The following OR4D1 variants were observed in gnomAD, a reference collection of about 807,000 sequenced individuals.
OR4D1 encodes olfactory receptor 4D1.
A neutral mutation model predicts 14.2 loss-of-function variants in OR4D1; 10 were observed. The observed-to-expected ratio is 0.71, with a 90% CI of 0.44 to 1.20. OR4D1 has a LOEUF of 1.20. Among genes scored for constraint, OR4D1 ranks in the 50% most tolerant of loss-of-function variants. The pLI is 0.00. For synonymous variants in OR4D1, 141 were observed against 147.4 expected (o/e 0.96, Z 0.32); for missense variants, 345 against 376.6 (o/e 0.92, Z 0.70).
rs1401440255 is a variant in OR4D1, at chr17:58,157,341, G to T, written c.*1255G>T. The T allele has an allele frequency of 1.4e-6, 2 of 1,452,722 alleles. No homozygotes were observed. The highest frequency in any genetic ancestry group is 2.5e-5 in the East Asian group (1 of 40,560). The allele number at this position is 1,452,722 out of a possible 1,614,324, so 90.0% of individuals were successfully genotyped here. On this transcript the variant is annotated 3_prime_UTR_variant, in exon 4 of 4. Coordinates refer to ENST00000268912, the MANE Select transcript of OR4D1 (RefSeq NM_001386095.1). ...GGAAAACTCCCTAAGACGGAGCGGC[G>T]TGGATGCAGGAACCCTGCTGATAAT...
At chr17:58,154,266 C>CTTTTTTT (rs3030795) in intron 3 of OR4D1, among the ~76,000 whole-genome samples, 1 of 137,412 alleles carries the variant, frequency 7.3e-6, no homozygotes. Flanking sequence ...AGCCAACCCT[C>CTTTTTTT]TTTTTTTTTT....
chr17:58,156,353 G>T lies in OR4D1; in HGVS notation c.*267G>T, dbSNP rs1967773959. The stretch of plus-strand genomic sequence containing the variant: ...GCAACCTCCACCTCCCGGGTTCAAT[G>T]ATTCTCCTGCCTCAGCCTCCCGCGC... On this transcript the variant is annotated 3_prime_UTR_variant, in exon 4 of 4. Coordinates refer to ENST00000268912, the MANE Select transcript of OR4D1 (RefSeq NM_001386095.1). 1 of 321,218 alleles carries T rather than the reference G, an allele frequency of 3.1e-6. No homozygotes were observed. The highest frequency in any genetic ancestry group is 5.6e-6 in the Non-Finnish European group (1 of 177,108). 19.9% of individuals were successfully genotyped at this position (321,218 alleles called of 1,614,324 possible).
rs781412537 is a variant in OR4D1 at position 58,155,343 on chromosome 17, C to T, written c.190C>T (p.Arg64Ter). ...RLHTPMYFLLRNLALIDLCYS... is the reference protein window; with the variant it reads ...RLHTPMYFLL ...CCACACACCCATGTATTTTCTGCTC[C>T]GAAATCTAGCTCTCATAGACCTCTG... is the stretch of plus-strand genomic sequence containing the variant. The change falls in exon 4 of 4, where the codon CGA (arginine) becomes TGA (stop). Residue 64 changes from arginine to a stop codon, truncating the protein, a stop_gained. Coordinates refer to ENST00000268912, the MANE Select transcript of OR4D1 (RefSeq NM_001386095.1). LOFTEE classifies it high-confidence loss of function. 2.4e-5 allele frequency: 39 copies of T among 1,614,034 alleles called. 2 individuals carry two copies. The East Asian group carries it at 2.5e-4, about 10-fold the overall frequency.
chr17:58,153,324 G>A (rs1967724801), intron 2 of OR4D1, among the ~76,000 whole-genome samples: 2 of 152,208 alleles, frequency 1.3e-5, no homozygotes, highest in African/African-American at 2.4e-5. Context: ...AGAGCTTGCC[G>A]GGGTTCTCAG....
Position 58,156,142 on chromosome 17 carries a change from A to G in OR4D1, c.*56A>G, listed in dbSNP as rs923216787. Reference sequence around the variant, plus strand: ...TTTCTCTGGATTTTTATTTTCCCACATGAAAAATGGAGGAAAGTCTTTATA... The same window carrying G: ...TTTCTCTGGATTTTTATTTTCCCACGTGAAAAATGGAGGAAAGTCTTTATA... On this transcript the variant is annotated 3_prime_UTR_variant, in exon 4 of 4. Transcript: ENST00000268912. The G allele has an allele frequency of 1.7e-6, 2 of 1,165,520 alleles. No homozygotes were observed. The highest frequency in any genetic ancestry group is 3.1e-5 in the African/African-American group (2 of 64,184). The allele number at this position is 1,165,520 out of a possible 1,614,324, so 72.2% of individuals were successfully genotyped here.
At chr17:58,152,290 C>T (rs1597951449) in intron 2 of OR4D1, among the ~76,000 whole-genome samples, 4 of 152,362 alleles carry the variant, frequency 2.6e-5, no homozygotes, top group African/African-American at 9.6e-5. Flanking sequence ...ACGCATGAGC[C>T]ACTGCACGCA....
chr17:58,154,143 G>C (rs866245540), intron 3 of OR4D1, among the ~76,000 whole-genome samples, 180 bp downstream of exon 3: 2 of 150,790 alleles, frequency 1.3e-5, no homozygotes, highest in Non-Finnish European at 2.9e-5. Context: ...TTTTTTTATA[G>C]AGGTAGGGGT....
rs1164234744 is a variant in OR4D1 at position 58,158,455 on chromosome 17, C to A, written c.*2369C>A. ...CCTATCTCTCCCCACGCCCACCCCC[C>A]CCCCACACACACATTTTTACAGTTT... On this transcript the variant is annotated 3_prime_UTR_variant, in exon 4 of 4. Transcript: ENST00000268912. The A allele has an allele frequency of 7.0e-6, 1 of 143,578 alleles. No individual in the cohort carries two copies. Among genetic ancestry groups the A allele is most frequent in the Admixed American group, 7.0e-5 (1 of 14,316 alleles). The allele number at this position is 143,578 out of a possible 1,614,324, so 8.9% of individuals were successfully genotyped here.
rs1597952354 is a variant in OR4D1, at chr17:58,155,515, A to G, written c.362A>G (p.Asp121Gly). Residue 121 changes from aspartate (D) to glycine (G), a missense_variant, in exon 4 of 4, where the codon GAC becomes GGC. Coordinates refer to ENST00000268912, the MANE Select transcript of OR4D1 (RefSeq NM_001386095.1). ...TVFFLSVMAY[D>G]RYIAISQPLR... ...TTTTTTCTCTCAGTCATGGCCTATG[A>G]CCGCTACATAGCCATCTCCCAGCCC... The G allele has an allele frequency of 6.2e-7, 1 of 1,613,862 alleles. No homozygotes were observed. Among genetic ancestry groups the G allele is most frequent in the African/African-American group, 1.3e-5 (1 of 74,842 alleles).
intron 3 of OR4D1, among the ~76,000 whole-genome samples, chr17:58,154,513 C>T (rs1279857282): frequency 1.3e-5 from 2 of 152,154 alleles, no homozygotes; most frequent in Non-Finnish European, 2.9e-5. Context: ...TACAGGGAAA[C>T]ATTTGAGAAA....
chr17:58,157,280 G>T lies in OR4D1; in HGVS notation c.*1194G>T. 1.3e-6 allele frequency: 2 copies of T among 1,495,970 alleles called. No homozygotes were observed. The highest frequency in any genetic ancestry group is 2.5e-5 in the East Asian group (1 of 40,640). The allele number at this position is 1,495,970 out of a possible 1,614,324, so 92.7% of individuals were successfully genotyped here. A position where few individuals can be genotyped will look rare whatever the true frequency, so the allele number is the denominator to read the frequency against. On this transcript the variant is annotated 3_prime_UTR_variant, in exon 4 of 4. Transcript: ENST00000268912. ...CTCGGGAAGCGCACAGCCCCGGGCC[G>T]CTGATCAAGCCCTTCGAGACCGCCT...
intron 1 of OR4D1, among the ~76,000 whole-genome samples, chr17:58,148,924 A>C (rs1455700436): frequency 6.6e-6 from 1 of 151,146 alleles, no homozygotes; most frequent in Non-Finnish European, 1.5e-5. Context: ...TCTCTCACTC[A>C]CTCCAGATTT....
At chr17:58,151,904 C>G (rs144256897) in intron 2 of OR4D1, among the ~76,000 whole-genome samples, 63 of 152,210 alleles carry the variant, frequency 4.1e-4, no homozygotes, top group African/African-American at 1.5e-3. Context: ...ACAGAAATTA[C>G]TGGGTCAGGG....
chr17:58,155,671 T>A lies in OR4D1; in HGVS notation c.518T>A (p.Ile173Asn), dbSNP rs1967760344. The change falls in exon 4 of 4, where the codon ATC becomes AAC. Residue 173 changes from isoleucine (I) to asparagine (N), a missense_variant. Ile to Asn is a moderately radical substitution (Grantham distance 149). Coordinates refer to ENST00000268912, the MANE Select transcript of OR4D1 (RefSeq NM_001386095.1). Reference sequence around the variant, plus strand: ...CCACTGCCCTTCTGTGGCCCCAATATCCTAGATAACTTCTACTGTGATGTT... The same window carrying A: ...CCACTGCCCTTCTGTGGCCCCAATAACCTAGATAACTTCTACTGTGATGTT... Reference protein sequence around the residue: ...ILPLPFCGPNILDNFYCDVPQ... With the variant: ...ILPLPFCGPNNLDNFYCDVPQ... The A allele has an allele frequency of 1.2e-6, 2 of 1,614,000 alleles. No homozygotes were observed. The highest frequency in any genetic ancestry group is 2.7e-5 in the African/African-American group (2 of 74,890).
At position 58,156,758 on chromosome 17, in the gene OR4D1, T is replaced by A. The variant is rs1967780276; in HGVS notation, c.*672T>A. The A allele has an allele frequency of 5.4e-6, 1 of 184,064 alleles. No homozygotes were observed. The highest frequency in any genetic ancestry group is 1.1e-5 in the Non-Finnish European group (1 of 88,804). The allele number at this position is 184,064 out of a possible 1,614,324, so 11.4% of individuals were successfully genotyped here. A position where few individuals can be genotyped will look rare whatever the true frequency, so the allele number is the denominator to read the frequency against. On this transcript the variant is annotated 3_prime_UTR_variant, in exon 4 of 4. Transcript: ENST00000268912. The stretch of plus-strand genomic sequence containing the variant: ...AAGAAATAGGAATGGGATTTGAAAC[T>A]CAAGAGTTTCCTGCGACCACAAGAG...
chr17:58,157,338 G>A lies in OR4D1; in HGVS notation c.*1252G>A, dbSNP rs1597953226. The stretch of plus-strand genomic sequence containing the variant: ...GTGGGAAAACTCCCTAAGACGGAGC[G>A]GCGTGGATGCAGGAACCCTGCTGAT... On this transcript the variant is annotated 3_prime_UTR_variant, in exon 4 of 4. Transcript: ENST00000268912. 6.8e-7 allele frequency: 1 copy of A among 1,464,198 alleles called. No individual in the cohort carries two copies. The highest frequency in any genetic ancestry group is 9.3e-7 in the Non-Finnish European group (1 of 1,080,038). The allele number at this position is 1,464,198 out of a possible 1,614,324, so 90.7% of individuals were successfully genotyped here.
At chr17:58,148,906 T>A (rs1437252940) in intron 1 of OR4D1, among the ~76,000 whole-genome samples, 2 of 152,222 alleles carry the variant, frequency 1.3e-5, no homozygotes, top group Non-Finnish European at 2.9e-5. Flanking sequence ...CCCCTTCTCC[T>A]GCCTGCTTCT....
Position 58,157,046 on chromosome 17 carries a change from G to A in OR4D1, c.*960G>A. 1 of 1,179,870 alleles carries A rather than the reference G, an allele frequency of 8.5e-7. No individual in the cohort carries two copies. The highest frequency in any genetic ancestry group is 1.2e-6 in the Non-Finnish European group (1 of 835,480). The allele number at this position is 1,179,870 out of a possible 1,614,324, so 73.1% of individuals were successfully genotyped here. The stretch of plus-strand genomic sequence containing the variant: ...GGCTTCTGTTTTCGTCCAATGAGAA[G>A]GGGCCAGCGGTGGCGGTCGGGCCAG... On this transcript the variant is annotated 3_prime_UTR_variant, in exon 4 of 4. Transcript: ENST00000268912.
chr17:58,154,001 TG>T (rs1418372569), intron 3 of OR4D1, among the ~76,000 whole-genome samples, 38 bp downstream of exon 3: 1 of 152,194 alleles, frequency 6.6e-6, no homozygotes, highest in Non-Finnish European at 1.5e-5. Flanking sequence ...TTAAAATTTT[TG>T]TAGAGATGTG....
Sources: gnomAD v4.1 joint callset for allele counts (sites outside exome capture counted in the v4.1 genomes callset) on GRCh38, gnomAD v4.1.1 for gene constraint, MANE v1.5 for transcripts, NCBI Gene and HGNC (gene_info 2026-07-23, HGNC 2026-07-21) for gene names.